Variants in DYNC2I1 observed in about 807,000 individuals in gnomAD.
DYNC2I1 encodes the protein cytoplasmic dynein 2 intermediate chain 1.
Under a neutral mutation model 133.4 loss-of-function variants are expected in DYNC2I1, and 89 were observed. That is an observed-to-expected ratio of 0.67 (90% CI 0.56 to 0.80). The LOEUF (loss-of-function observed/expected upper bound fraction) is 0.80, where lower values mean the gene tolerates loss of function less well. Among genes scored for constraint, DYNC2I1 ranks in the 30% least tolerant of loss-of-function variants. The pLI, the probability that DYNC2I1 is intolerant of heterozygous loss-of-function variation, is 0.00. For synonymous variants in DYNC2I1, 504 were observed against 484.3 expected (o/e 1.04, Z -0.54); for missense variants, 1,291 against 1,314.5 (o/e 0.98, Z 0.28).
Position 158,926,383 on chromosome 7 carries a change from T to C in DYNC2I1, c.2372-19T>C, listed in dbSNP as rs543315146. 1 of 1,608,998 alleles carries C rather than the reference T, an allele frequency of 6.2e-7. No individual in the cohort carries two copies. The highest frequency in any genetic ancestry group is 8.5e-7 in the Non-Finnish European group (1 of 1,177,442). ...CTTATTTAAAGCCATTTCTTTCTTTTTGTTTCTGTCTTCATCAGAAATGTC... is the reference window on the plus strand; with the variant it reads ...CTTATTTAAAGCCATTTCTTTCTTTCTGTTTCTGTCTTCATCAGAAATGTC... On this transcript the variant is annotated intron_variant, in intron 18 of 24. Transcript: ENST00000407559.
chr7:158,850,146 C>T, the DYNC2I1 span, among the ~76,000 whole-genome samples: 45,114 of 152,054 alleles, frequency 0.3, 10,532 homozygotes, highest in East Asian at 0.69. Flanking sequence ...TTTCTGGGGC[C>T]CCTGAAGGTG....
upstream of DYNC2I1, among the ~76,000 whole-genome samples, chr7:158,853,881 G>T (rs1043432442): frequency 1.3e-5 from 2 of 152,064 alleles, no homozygotes; most frequent in African/African-American, 2.4e-5. Flanking sequence ...TCAAACTCCC[G>T]ACCTCAGGTG....
intron 11 of DYNC2I1, among the ~76,000 whole-genome samples, chr7:158,907,553 C>G (rs191838095): frequency 6.6e-6 from 1 of 151,756 alleles, no homozygotes; most frequent in Non-Finnish European, 1.5e-5. Context: ...TTCCATTTCC[C>G]TTTCCCTTTT....
chr7:158,908,493 T>G (rs1327679272), intron 11 of DYNC2I1, among the ~76,000 whole-genome samples: 1 of 152,250 alleles, frequency 6.6e-6, no homozygotes, highest in African/African-American at 2.4e-5. Context: ...TGATAGAGAC[T>G]TATTATCCCT....
At chr7:158,905,886 C>A in intron 10 of DYNC2I1, 103 bp from the exon 11 acceptor site, 1 of 806,130 alleles carries the variant, frequency 1.2e-6, no homozygotes, top group South Asian at 1.8e-5. Flanking sequence ...GGTTTATTGA[C>A]TATAATTGTT....
intron 21 of DYNC2I1, among the ~76,000 whole-genome samples, chr7:158,933,643 T>C (rs1850449188): frequency 6.6e-6 from 1 of 152,230 alleles, no homozygotes; most frequent in African/African-American, 2.4e-5. Context: ...GTGGCCTCAG[T>C]GGGTTCATAG....
chr7:158,941,956 A>G lies in DYNC2I1; in HGVS notation c.2810A>G (p.His937Arg). 1 of 1,610,842 alleles carries G rather than the reference A, an allele frequency of 6.2e-7. No homozygotes were observed. The highest frequency in any genetic ancestry group is 8.5e-7 in the Non-Finnish European group (1 of 1,178,594). ...TGTTCGGACGGAAGCATCAGGCTGCACCAGCTGAGCTCCGCGTTTCCGCTC... is the reference window on the plus strand; with the variant it reads ...TGTTCGGACGGAAGCATCAGGCTGCGCCAGCTGAGCTCCGCGTTTCCGCTC... ...AGCSDGSIRL[H>R]QLSSAFPLLQ... The change falls in exon 24 of 25, where the codon CAC becomes CGC. Residue 937 changes from histidine to arginine, a missense_variant. Transcript: ENST00000407559.
Position 158,902,388 on chromosome 7 carries a change from G to T in DYNC2I1, c.1150G>T (p.Asp384Tyr). The change falls in exon 10 of 25, where the codon GAC (aspartate) becomes TAC (tyrosine). Residue 384 changes from aspartate to tyrosine, a missense_variant. By Grantham distance (160) the Asp-to-Tyr change is radical. Coordinates refer to ENST00000407559, the MANE Select transcript of DYNC2I1 (RefSeq NM_018051.5). Reference protein sequence around the residue: ...CEDDFEDYEDDFEVCDGDDDE... With the variant: ...CEDDFEDYEDYFEVCDGDDDE... ...TTATTGTTTGCAGGACTATGAAGAT[G>T]ACTTTGAGGTTTGTGATGGTGATGA... 1 of 1,612,472 alleles carries T rather than the reference G, an allele frequency of 6.2e-7. No homozygotes were observed. The highest frequency in any genetic ancestry group is 8.5e-7 in the Non-Finnish European group (1 of 1,179,712).
At chr7:158,850,950 C>T in the DYNC2I1 span, among the ~76,000 whole-genome samples, 732 of 151,504 alleles carry the variant, frequency 4.8e-3, 3 homozygotes, top group Non-Finnish European at 5.8e-3. Context: ...TCTCATCTAA[C>T]GAGCTGCTTG....
At chr7:158,911,085 G>A (rs747921370) in intron 11 of DYNC2I1, among the ~76,000 whole-genome samples, 95 of 152,222 alleles carry the variant, frequency 6.2e-4, no homozygotes, top group Non-Finnish European at 2.8e-4. Context: ...GTCAAGTCCT[G>A]GGGGAAGCAC....
Position 158,934,231 on chromosome 7 carries a change from G to GA in DYNC2I1, c.2646+4dup. 2 of 1,600,406 alleles carry GA rather than the reference G, an allele frequency of 1.2e-6. No homozygotes were observed. Among genetic ancestry groups the GA allele is most frequent in the Non-Finnish European group, 1.7e-6 (2 of 1,175,162 alleles). On this transcript the variant is annotated splice_donor_region_variant and intron_variant, in intron 22 of 24. Transcript: ENST00000407559. The stretch of plus-strand genomic sequence containing the variant: ...ACTTTATTATTGGCACAGACATGGT[G>GA]AGTAGTATTTTAAATTTAATCCTAT...
Position 158,884,575 on chromosome 7 carries a change from C to A in DYNC2I1, c.891C>A (p.His297Gln), listed in dbSNP as rs200640475. Reference sequence around the variant, plus strand: ...TTTTTGTTTGATAGAATGGTGAACACAGAAATCGAGGTGCAAGCTCAAAAA... The same window carrying A: ...TTTTTGTTTGATAGAATGGTGAACAAAGAAATCGAGGTGCAAGCTCAAAAA... ...PRKRESQNGE[H>Q]RNRGASSKRD... Residue 297 changes from histidine (H) to glutamine (Q), a missense_variant, in exon 6 of 25, where the codon CAC becomes CAA. His to Gln is a conservative substitution (Grantham distance 24, BLOSUM62 0). Transcript: ENST00000407559. 2 of 1,612,068 alleles carry A rather than the reference C, an allele frequency of 1.2e-6. No individual in the cohort carries two copies. The highest frequency in any genetic ancestry group is 1.7e-6 in the Non-Finnish European group (2 of 1,179,078).
At chr7:158,907,267 G>GGCC in intron 11 of DYNC2I1, among the ~76,000 whole-genome samples, 2 of 144,812 alleles carry the variant, frequency 1.4e-5, no homozygotes, top group South Asian at 2.1e-4. Context: ...CTGGCCCCAT[G>GGCC]GCCTTCTTTT....
At chr7:158,923,530 A>G (rs114475809) in intron 16 of DYNC2I1, 41 bp from the exon 17 acceptor site, 3 of 1,613,790 alleles carry the variant, frequency 1.9e-6, no homozygotes, top group Admixed American at 3.3e-5. Context: ...CATGCTTCTC[A>G]TATTCTTCTG....
At position 158,906,101 on chromosome 7, in the gene DYNC2I1, T is replaced by C. The variant is rs768563970; in HGVS notation, c.1460+10T>C. On this transcript the variant is annotated intron_variant, in intron 11 of 24. Coordinates refer to ENST00000407559, the MANE Select transcript of DYNC2I1 (RefSeq NM_018051.5). ...AGGCCCTTAAGCAAAAGTAGGTGTA[T>C]TGGGAAAGCAGCCAAAGGTGTTCAG... 4 of 1,609,952 alleles carry C rather than the reference T, an allele frequency of 2.5e-6. No homozygotes were observed. Among genetic ancestry groups the C allele is most frequent in the South Asian group, 2.2e-5 (2 of 90,546 alleles).
chr7:158,958,494 G>C (rs957953681), downstream of DYNC2I1, among the ~76,000 whole-genome samples: 1 of 152,180 alleles, frequency 6.6e-6, no homozygotes, highest in Non-Finnish European at 1.5e-5. Context: ...GCATCTCCCC[G>C]TTTTTGTCTC....
chr7:158,892,657 AG>A (rs1227590510), intron 8 of DYNC2I1, among the ~76,000 whole-genome samples: 1 of 151,840 alleles, frequency 6.6e-6, no homozygotes, highest in Non-Finnish European at 1.5e-5. Flanking sequence ...CAAAATTGAG[AG>A]GAAGGGGCCA....
intron 1 of DYNC2I1, among the ~76,000 whole-genome samples, chr7:158,857,565 G>A (rs1841405535): frequency 7.6e-6 from 1 of 130,800 alleles, no homozygotes; most frequent in Admixed American, 8.4e-5. Flanking sequence ...TTGAGATGGA[G>A]TCTCACTCTG....
intron 14 of DYNC2I1, among the ~76,000 whole-genome samples, chr7:158,916,425 GGAT>G (rs763705185): frequency 1.3e-5 from 1 of 79,334 alleles, no homozygotes; most frequent in East Asian, 2.6e-4. Context: ...TTGACATTAA[GGAT>G]GATTGTGAAA....
Sources: allele counts gnomAD v4.1 joint callset (sites outside exome capture counted in the v4.1 genomes callset), GRCh38; gene constraint gnomAD v4.1.1; transcripts MANE v1.5; gene names NCBI Gene and HGNC (gene_info 2026-07-23, HGNC 2026-07-21).